Variants in UGT2B28 observed in about 807,000 individuals in gnomAD.
The protein encoded by UGT2B28 is UDP glucuronosyltransferase family 2 member B28, also known as UDP-glucuronosyltransferase 2B28.
Under a neutral mutation model 43.6 loss-of-function variants are expected in UGT2B28, and 45 were observed. The ratio of observed to expected loss-of-function variants is 1.03; its 90% CI spans 0.81 to 1.32. The LOEUF is 1.32. Ranked by LOEUF, UGT2B28 falls within the 40% of genes most tolerant of loss-of-function variation. The probability of loss-of-function intolerance (pLI) is 0.00; values close to 1 mark genes in which losing one functional copy is unlikely to be tolerated. For synonymous variants in UGT2B28, 204 were observed against 208.1 expected (o/e 0.98, Z 0.17); for missense variants, 649 against 625.5 (o/e 1.04, Z -0.40).
intron 1 of UGT2B28, among the ~76,000 whole-genome samples, chr4:69,281,522 TA>T (rs1723610499): frequency 7.1e-6 from 1 of 141,192 alleles, no homozygotes; most frequent in East Asian, 2.0e-4. Flanking sequence ...TTTTAGATCT[TA>T]AAAACAGTGA....
intron 5 of UGT2B28, among the ~76,000 whole-genome samples, chr4:69,293,766 A>G (rs1194673507): frequency 7.1e-6 from 1 of 140,688 alleles, no homozygotes; most frequent in Non-Finnish European, 1.5e-5. Context: ...AGTGTCTTAA[A>G]ATGTAGGGTT....
Position 69,281,079 on chromosome 4 carries a change from C to T in UGT2B28, c.579C>T (p.Tyr193=). Residue 193 remains tyrosine (Y), a synonymous_variant, in exon 1 of 6, where the codon TAC becomes TAT. Transcript: ENST00000335568. ...GAGGACTGATTTTCCCTCCTTCCTACATACCTGTTGTTATGTCAAAATTAA... is the reference window on the plus strand; with the variant it reads ...GAGGACTGATTTTCCCTCCTTCCTATATACCTGTTGTTATGTCAAAATTAA... ...HSGGLIFPPS[Y]IPVVMSKLSD... 6.4e-7 allele frequency: 1 copy of T among 1,559,718 alleles called. No individual in the cohort carries two copies. Among genetic ancestry groups the T allele is most frequent in the South Asian group, 1.2e-5 (1 of 84,274 alleles).
Position 69,289,623 on chromosome 4 carries a change from G to T in UGT2B28, c.1003-42G>T, listed in dbSNP as rs769481757. ...ACAGTTCTAACATTCTATAATTTTT[G>T]AGTTCCACTCATGGAATAAGATATT... On this transcript the variant is annotated intron_variant, in intron 3 of 5. Coordinates refer to ENST00000335568, the MANE Select transcript of UGT2B28 (RefSeq NM_053039.2). The T allele has an allele frequency of 1.0e-5, 15 of 1,472,324 alleles. 1 individual carries two copies. The highest frequency in any genetic ancestry group is 2.2e-4 in the Middle Eastern group (1 of 4,580). The allele number at this position is 1,472,324 out of a possible 1,614,324, so 91.2% of individuals were successfully genotyped here.
chr4:69,281,706 G>T lies in UGT2B28; in HGVS notation c.721+485G>T, dbSNP rs757308759. On this transcript the variant is annotated intron_variant, in intron 1 of 5. Coordinates refer to ENST00000335568, the MANE Select transcript of UGT2B28 (RefSeq NM_053039.2). ...GAAGGTTTCCTTCACAGTAGAGAGA[G>T]ATAATGTCCACATCTCAGATGCAAA... Among the ~76,000 whole-genome samples, 25 of 140,270 alleles carry T rather than the reference G, an allele frequency of 1.8e-4. 3 individuals carry two copies. The highest frequency in any genetic ancestry group is 3.8e-4 in the Non-Finnish European group (25 of 65,674). The allele number at this position is 140,270 out of a possible 152,430, so 92.0% of individuals were successfully genotyped here. A position where few individuals can be genotyped will look rare whatever the true frequency, so the allele number is the denominator to read the frequency against.
Position 69,283,209 on chromosome 4 carries a change from C to T in UGT2B28, c.870+547C>T, listed in dbSNP as rs1308064111. ...TATGCAGAAATAGGTAAAAGAATGG[C>T]GGGGAGAGGCAGACAAAAAGGGAAA... On this transcript the variant is annotated intron_variant, in intron 2 of 5. Transcript: ENST00000335568. Among the ~76,000 whole-genome samples, 2 of 138,242 alleles carry T rather than the reference C, an allele frequency of 1.4e-5. 1 individual carries two copies. The highest frequency in any genetic ancestry group is 3.1e-5 in the Non-Finnish European group (2 of 65,090). The allele number at this position is 138,242 out of a possible 152,430, so 90.7% of individuals were successfully genotyped here.
At chr4:69,283,112 A>G (rs4260604) in intron 2 of UGT2B28, among the ~76,000 whole-genome samples, 62,216 of 138,584 alleles carry the variant, frequency 0.45, 19,655 homozygotes, top group Non-Finnish European at 0.53. Flanking sequence ...AAAACCCAAT[A>G]TCAAGAAAGC....
At chr4:69,283,269 C>A (rs1723674917) in intron 2 of UGT2B28, among the ~76,000 whole-genome samples, 1 of 138,494 alleles carries the variant, frequency 7.2e-6, no homozygotes, top group South Asian at 2.5e-4. Flanking sequence ...CTCAAGTCCT[C>A]AGGTTTTGTT....
chr4:69,286,731 T>G, intron 2 of UGT2B28, 21 bp from the exon 3 acceptor site: 1 of 1,552,832 alleles, frequency 6.4e-7, no homozygotes, highest in Non-Finnish European at 8.7e-7. Context: ...TCTTTTGTGA[T>G]TAAACAATTT....
intron 2 of UGT2B28, among the ~76,000 whole-genome samples, chr4:69,285,243 A>G (rs1276109511): frequency 2.1e-5 from 3 of 140,682 alleles, no homozygotes; most frequent in Admixed American, 1.4e-4. Context: ...AAAAAAATAC[A>G]TATTTTCTAT....
At position 69,282,351 on chromosome 4, in the gene UGT2B28, T is replaced by C. The variant is rs1348912960; in HGVS notation, c.722-163T>C. On this transcript the variant is annotated intron_variant, in intron 1 of 5. Coordinates refer to ENST00000335568, the MANE Select transcript of UGT2B28 (RefSeq NM_053039.2). ...AAATAAACATGGACAAAATATATAA[T>C]ACATAAAAATATATTATTCATATAC... Among the ~76,000 whole-genome samples, 15 of 140,320 alleles carry C rather than the reference T, an allele frequency of 1.1e-4. 2 individuals carry two copies. Among genetic ancestry groups the C allele is most frequent in the African/African-American group, 2.2e-4 (8 of 36,064 alleles). 92.1% of individuals were successfully genotyped at this position (140,320 alleles called of 152,430 possible). A position where few individuals can be genotyped will look rare whatever the true frequency, so the allele number is the denominator to read the frequency against.
rs765969673 is a variant in UGT2B28, at chr4:69,286,769, A to G, written c.888A>G (p.Val296=). 3.2e-5 allele frequency: 50 copies of G among 1,555,280 alleles called. 7 individuals carry two copies. Among genetic ancestry groups the G allele is most frequent in the Admixed American group, 1.6e-4 (9 of 55,942 alleles). The part of the protein sequence containing the change: ...KPLPKEMEEF[V]QSSGENGVVV... ...TTTCACAGGAAATGGAGGAATTTGT[A>G]CAGAGCTCTGGTGAAAATGGTGTTG... is the stretch of plus-strand genomic sequence containing the variant. Residue 296 remains valine, a synonymous_variant, in exon 3 of 6, where the codon GTA becomes GTG. Transcript: ENST00000335568.
Position 69,280,494 on chromosome 4 carries a change from C to T in UGT2B28, c.-7C>T, listed in dbSNP as rs1312444604. On this transcript the variant is annotated 5_prime_UTR_variant, in exon 1 of 6. Coordinates refer to ENST00000335568, the MANE Select transcript of UGT2B28 (RefSeq NM_053039.2). ...TGACTTGAAAAGAATGATTGCATTG[C>T]ACCAGGATGGCTCTGAAGTGGACTT... The T allele has an allele frequency of 2.6e-6, 4 of 1,549,466 alleles. 1 individual carries two copies. Among genetic ancestry groups the T allele is most frequent in the Non-Finnish European group, 3.5e-6 (4 of 1,151,640 alleles).
At position 69,287,023 on chromosome 4, in the gene UGT2B28, C is replaced by T. The variant is rs116614850; in HGVS notation, c.1002+140C>T. 1,744 of 1,376,602 alleles carry T rather than the reference C, an allele frequency of 1.3e-3. 348 individuals are homozygous for T. In the African/African-American group the frequency reaches 0.026, roughly 20 times the overall value. 85.3% of individuals were successfully genotyped at this position (1,376,602 alleles called of 1,614,324 possible). A position where few individuals can be genotyped will look rare whatever the true frequency, so the allele number is the denominator to read the frequency against. On this transcript the variant is annotated intron_variant, in intron 3 of 5. Transcript: ENST00000335568. The stretch of plus-strand genomic sequence containing the variant: ...CTTAAATATCTTGTGTAGCTTCCAC[C>T]GACACAAGTCATAGTTGTGCCTCAG...
rs1724059249 is a variant in UGT2B28 at position 69,294,847 on chromosome 4, G to A, written c.*38G>A. On this transcript the variant is annotated 3_prime_UTR_variant, in exon 6 of 6. Transcript: ENST00000335568. ...TTTGAAGCTGGAAAACCAGATAGAT[G>A]GGTTGACATCAGTTTATTCCAGCAA... is the stretch of plus-strand genomic sequence containing the variant. The A allele has an allele frequency of 6.6e-6, 10 of 1,517,216 alleles. No individual in the cohort carries two copies. Among genetic ancestry groups the A allele is most frequent in the East Asian group, 2.4e-5 (1 of 42,538 alleles). 94.0% of individuals were successfully genotyped at this position (1,517,216 alleles called of 1,614,324 possible).
rs1427616059 is a variant in UGT2B28, at chr4:69,280,522, G to A, written c.22G>A (p.Val8Ile). 7 of 1,556,616 alleles carry A rather than the reference G, an allele frequency of 4.5e-6. 1 individual carries two copies. In the African/African-American group the frequency reaches 7.6e-5, roughly 17 times the overall value. The change falls in exon 1 of 6, where the codon GTT becomes ATT. Residue 8 changes from valine to isoleucine, a missense_variant. Val to Ile is a conservative substitution (Grantham distance 29, BLOSUM62 3). Transcript: ENST00000335568. The stretch of plus-strand genomic sequence containing the variant: ...CAGGATGGCTCTGAAGTGGACTTCA[G>A]TTCTTCTGCTGATACATCTCGGTTG... MALKWTS[V>I]LLLIHLGCYF...
intron 3 of UGT2B28, among the ~76,000 whole-genome samples, chr4:69,288,795 C>A (rs1241349610): frequency 7.2e-6 from 1 of 139,820 alleles, no homozygotes; most frequent in African/African-American, 2.8e-5. Context: ...ATCTATGTAT[C>A]CACGTGTTCT....
intron 5 of UGT2B28, among the ~76,000 whole-genome samples, chr4:69,292,114 C>G (rs184754194): frequency 7.8e-5 from 11 of 140,592 alleles, no homozygotes; most frequent in African/African-American, 3.0e-4. Context: ...TGGGTCAAAT[C>G]AGATATATAA....
Position 69,287,671 on chromosome 4 carries a change from G to A in UGT2B28, c.1002+788G>A, listed in dbSNP as rs1457216915. Among the ~76,000 whole-genome samples the A allele has an allele frequency of 3.7e-4, 51 of 139,634 alleles. 3 individuals are homozygous for A. Among genetic ancestry groups the A allele is most frequent in the East Asian group, 3.5e-3 (17 of 4,862 alleles). The allele number at this position is 139,634 out of a possible 152,430, so 91.6% of individuals were successfully genotyped here. ...ACTACCAGATTAACAACCCCTCCCAGTGGAGGCAGCAGTAGGAAATATAGG... is the reference window on the plus strand; with the variant it reads ...ACTACCAGATTAACAACCCCTCCCAATGGAGGCAGCAGTAGGAAATATAGG... On this transcript the variant is annotated intron_variant, in intron 3 of 5. Transcript: ENST00000335568.
rs932532329 is a variant in UGT2B28 at position 69,290,683 on chromosome 4, A to G, written c.1182A>G (p.Pro394=). The G allele has an allele frequency of 1.3e-6, 2 of 1,559,394 alleles. No homozygotes were observed. Among genetic ancestry groups the G allele is most frequent in the Non-Finnish European group, 1.7e-6 (2 of 1,155,220 alleles). Residue 394 remains proline (P), a synonymous_variant, in exon 5 of 6, where the codon CCA becomes CCG. Coordinates refer to ENST00000335568, the MANE Select transcript of UGT2B28 (RefSeq NM_053039.2). ...ATGGGATCCCTATGGTAGGCATTCC[A>G]TTGTTTTGGGATCAACCTGATAACA... The part of the protein sequence containing the change: ...IYHGIPMVGI[P]LFWDQPDNIA...
Sources: allele counts gnomAD v4.1 joint callset (sites outside exome capture counted in the v4.1 genomes callset), GRCh38; gene constraint gnomAD v4.1.1; transcripts MANE v1.5; gene names NCBI Gene and HGNC (gene_info 2026-07-23, HGNC 2026-07-21).